The following TAF3 variants were observed in gnomAD, a reference collection of about 807,000 sequenced individuals.
TAF3 encodes the protein TATA-box binding protein associated factor 3.
A neutral mutation model predicts 80.6 loss-of-function variants in TAF3; 7 were observed. The ratio of observed to expected loss-of-function variants is 0.09; its 90% CI spans 0.05 to 0.16. TAF3 has a LOEUF of 0.16. Ranked by LOEUF, TAF3 falls within the 10% of genes least tolerant of loss-of-function variation. The pLI is 1.00. For synonymous variants in TAF3, 444 were observed against 446.1 expected (o/e 1.00, Z 0.06); for missense variants, 921 against 1,140.2 (o/e 0.81, Z 2.77).
At chr10:7,904,969 C>G (rs1181685286) in intron 2 of TAF3, among the ~76,000 whole-genome samples, 2 of 152,178 alleles carry the variant, frequency 1.3e-5, no homozygotes, top group African/African-American at 4.8e-5. Context: ...TTCCCTCACA[C>G]TGCCCTTTTT....
chr10:7,956,017 C>T (rs1345692005), intron 2 of TAF3, among the ~76,000 whole-genome samples: 1 of 152,016 alleles, frequency 6.6e-6, no homozygotes, highest in Non-Finnish European at 1.5e-5. Context: ...GGTAAAGGAT[C>T]GTGATGTCTA....
chr10:8,002,002 G>A (rs554691138), intron 4 of TAF3, among the ~76,000 whole-genome samples: 48 of 152,276 alleles, frequency 3.2e-4, no homozygotes, highest in African/African-American at 5.3e-4. Context: ...GGCCCCATCC[G>A]TCGATCCTGT....
At chr10:7,898,106 G>A (rs990642265) in intron 2 of TAF3, among the ~76,000 whole-genome samples, 1 of 151,820 alleles carries the variant, frequency 6.6e-6, no homozygotes, top group Non-Finnish European at 1.5e-5. Context: ...CAACCCTTCT[G>A]TATCAACTGG....
chr10:7,898,771 G>GT (rs547552137), intron 2 of TAF3, among the ~76,000 whole-genome samples: 587 of 151,710 alleles, frequency 3.9e-3, no homozygotes, highest in Middle Eastern at 6.8e-3. Flanking sequence ...ATATTGTGTT[G>GT]TTTTTTGAAA....
At chr10:7,905,923 G>A (rs1369258671) in intron 2 of TAF3, among the ~76,000 whole-genome samples, 1 of 151,944 alleles carries the variant, frequency 6.6e-6, no homozygotes. Context: ...TTATGTATTT[G>A]TACTTTATCA....
chr10:8,012,892 T>C (rs2131443689), intron 5 of TAF3, among the ~76,000 whole-genome samples: 1 of 152,360 alleles, frequency 6.6e-6, no homozygotes, highest in East Asian at 1.9e-4. Context: ...TAATGTGCTC[T>C]GTTATTGTAA....
chr10:7,905,251 G>A (rs1049357640), intron 2 of TAF3, among the ~76,000 whole-genome samples: 5 of 152,024 alleles, frequency 3.3e-5, no homozygotes, highest in Non-Finnish European at 7.4e-5. Context: ...GAGATGAAGC[G>A]GTAAACAGAA....
At chr10:7,962,292 C>T (rs1434656566) in intron 2 of TAF3, among the ~76,000 whole-genome samples, 2 of 152,176 alleles carry the variant, frequency 1.3e-5, no homozygotes, top group African/African-American at 2.4e-5. Flanking sequence ...AGCTCTGACC[C>T]TTACTGCCTC....
intron 2 of TAF3, among the ~76,000 whole-genome samples, chr10:7,900,494 TCCAA>T (rs1837548208): frequency 6.6e-6 from 1 of 152,164 alleles, no homozygotes; most frequent in Non-Finnish European, 1.5e-5. Context: ...GGCCCAGCTA[TCCAA>T]CCACTATTGT....
chr10:7,904,498 A>G (rs1488972298), intron 2 of TAF3, among the ~76,000 whole-genome samples: 10 of 150,966 alleles, frequency 6.6e-5, no homozygotes, highest in Non-Finnish European at 1.3e-4. Context: ...TGATACACGC[A>G]TTTATCTCAT....
intron 2 of TAF3, among the ~76,000 whole-genome samples, chr10:7,840,942 C>G (rs541504458): frequency 3.6e-4 from 55 of 152,090 alleles, no homozygotes; most frequent in Non-Finnish European, 7.1e-4. Context: ...CTCCACCTCC[C>G]AGGTTCAAGC....
At chr10:7,905,164 AG>A (rs915034478) in intron 2 of TAF3, among the ~76,000 whole-genome samples, 8 of 152,156 alleles carry the variant, frequency 5.3e-5, no homozygotes, top group Non-Finnish European at 1.2e-4. Context: ...ATACAACTCA[AG>A]GGGGGCTATT....
chr10:7,902,398 G>T (rs1220410394), intron 2 of TAF3, among the ~76,000 whole-genome samples: 1 of 152,006 alleles, frequency 6.6e-6, no homozygotes, highest in Non-Finnish European at 1.5e-5. Flanking sequence ...ACTCTAGCCT[G>T]GGCAACAAGA....
intron 2 of TAF3, among the ~76,000 whole-genome samples, chr10:7,863,905 A>C (rs1837182763): frequency 6.6e-6 from 1 of 151,784 alleles, no homozygotes; most frequent in South Asian, 2.1e-4. Context: ...TGGCATACAT[A>C]GTTTTTTTCT....
intron 2 of TAF3, among the ~76,000 whole-genome samples, chr10:7,904,195 C>T (rs1003384096): frequency 2.0e-4 from 31 of 152,108 alleles, no homozygotes; most frequent in African/African-American, 5.6e-4. Context: ...CACGCTCTTC[C>T]GAGGCAGTGG....
chr10:7,907,211 G>A lies in TAF3; in HGVS notation c.410-56709G>A, dbSNP rs1002596868. Among the ~76,000 whole-genome samples, 6 of 152,168 alleles carry A rather than the reference G, an allele frequency of 3.9e-5. 1 individual carries two copies. Among genetic ancestry groups the A allele is most frequent in the Non-Finnish European group, 8.8e-5 (6 of 68,032 alleles). ...ACAGTCACACCTGTGTTGGGGTGCA[G>A]TTGCATCAGAGCTTCGCAACACCCT... is the stretch of plus-strand genomic sequence containing the variant. On this transcript the variant is annotated intron_variant, in intron 2 of 6. Transcript: ENST00000344293.
chr10:7,927,973 CT>C (rs35345431), intron 2 of TAF3, among the ~76,000 whole-genome samples: 11 of 150,716 alleles, frequency 7.3e-5, no homozygotes, highest in South Asian at 4.2e-4. Context: ...TGCTCCCCCA[CT>C]TTTTTTTTTG....
In TAF3 at chr10:7,839,034, C is replaced by T. The variant is rs760061031; in HGVS notation, c.409+14474C>T. On this transcript the variant is annotated intron_variant, in intron 2 of 6. Transcript: ENST00000344293. Reference sequence around the variant, plus strand: ...GGATATGCCTGTGGTGTTCAGTACACGTGTCTTAGCATAAACCTACAGGGC... The same window carrying T: ...GGATATGCCTGTGGTGTTCAGTACATGTGTCTTAGCATAAACCTACAGGGC... Among the ~76,000 whole-genome samples, 14 of 151,266 alleles carry T rather than the reference C, an allele frequency of 9.3e-5. No individual in the cohort carries two copies. In the Admixed American group the frequency reaches 9.3e-4, roughly 10 times the overall value.
intron 4 of TAF3, among the ~76,000 whole-genome samples, chr10:8,002,556 G>A (rs1231886172): frequency 6.6e-6 from 1 of 152,172 alleles, no homozygotes; most frequent in Non-Finnish European, 1.5e-5. Flanking sequence ...TAGAGCAGGG[G>A]TAACAAATCT....
Sources: allele counts gnomAD v4.1 joint callset (sites outside exome capture counted in the v4.1 genomes callset), GRCh38; gene constraint gnomAD v4.1.1; transcripts MANE v1.5; gene names NCBI Gene and HGNC (gene_info 2026-07-23, HGNC 2026-07-21).